The following NAT1 variants were observed in gnomAD, a reference collection of about 807,000 sequenced individuals.
NAT1 encodes the protein N-acetyltransferase 1, also known as arylamine N-acetyltransferase 1.
For synonymous variants in NAT1, 144 were observed against 122.6 expected (o/e 1.17, Z -1.16); for missense variants, 400 against 339.2 (o/e 1.18, Z -1.41).
At chr8:18,176,845 C>G (rs532793196) in intron 2 of NAT1, among the ~76,000 whole-genome samples, 2 of 151,842 alleles carry the variant, frequency 1.3e-5, no homozygotes, top group Admixed American at 6.6e-5. Context: ...TTTTTTCAAT[C>G]CATAAACACA....
rs75620879 is a variant in NAT1 at position 18,173,854 on chromosome 8, T to G, written n.92+3115T>G. ...TAGCCTTGAAACAATGTTATTGACA[T>G]TTTAAAAATCAAACAATATGCACCC... On this transcript the variant is annotated intron_variant and non_coding_transcript_variant, in intron 2 of 4. Transcript: ENST00000517441. Among the ~76,000 whole-genome samples the G allele has an allele frequency of 1.6e-3, 237 of 152,292 alleles. 6 individuals carry two copies. The East Asian group carries it at 0.028, about 18-fold the overall frequency.
chr8:18,171,356 G>A (rs921369522), intron 2 of NAT1, among the ~76,000 whole-genome samples: 22 of 149,442 alleles, frequency 1.5e-4, no homozygotes, highest in African/African-American at 5.1e-4. Flanking sequence ...TGGGAGGCAC[G>A]CAAAAGACTA....
chr8:18,170,942 C>G (rs1037911603), intron 2 of NAT1, among the ~76,000 whole-genome samples: 1 of 151,642 alleles, frequency 6.6e-6, no homozygotes, highest in African/African-American at 2.4e-5. Flanking sequence ...TTGGATTTCA[C>G]TTAAGAGGCC....
At chr8:18,211,685 C>G (rs973139424) in intron 1 of NAT1, among the ~76,000 whole-genome samples, 1 of 152,180 alleles carries the variant, frequency 6.6e-6, no homozygotes, top group Non-Finnish European at 1.5e-5. Flanking sequence ...GCGGCTAGTC[C>G]AGCAACCCCT....
At chr8:18,209,663 T>C (rs1803894356), upstream of NAT1, 1 of 152,204 alleles carries the variant, frequency 6.6e-6, no homozygotes, top group Non-Finnish European at 1.5e-5. Context: ...GGAATGAGGA[T>C]GATGGATGAA....
At chr8:18,171,230 G>A (rs17593996) in intron 2 of NAT1, among the ~76,000 whole-genome samples, 65,495 of 151,946 alleles carry the variant, frequency 0.43, 15,516 homozygotes, top group South Asian at 0.63. Flanking sequence ...AAATTAAAGT[G>A]GCCACAGTGG....
At chr8:18,197,444 G>A (rs1268358984) in intron 2 of NAT1, among the ~76,000 whole-genome samples, 1 of 152,180 alleles carries the variant, frequency 6.6e-6, no homozygotes, top group Non-Finnish European at 1.5e-5. Context: ...CATCGGCAGT[G>A]TCTGGAGACA....
chr8:18,177,675 CAAT>C (rs1265050163), intron 2 of NAT1, among the ~76,000 whole-genome samples: 2 of 152,068 alleles, frequency 1.3e-5, no homozygotes, highest in Non-Finnish European at 2.9e-5. Flanking sequence ...TAAAGCCAAA[CAAT>C]AATGTTTATG....
intron 2 of NAT1, among the ~76,000 whole-genome samples, chr8:18,180,573 T>A (rs1323474581): frequency 2.0e-5 from 3 of 152,172 alleles, no homozygotes; most frequent in African/African-American, 7.2e-5. Flanking sequence ...CCTCATAAAA[T>A]GAGTTTGAGT....
intron 2 of NAT1, among the ~76,000 whole-genome samples, chr8:18,173,146 G>GAACACACA: frequency 6.8e-6 from 1 of 146,536 alleles, no homozygotes; most frequent in South Asian, 2.2e-4. Flanking sequence ...ACACAGAGAT[G>GAACACACA]CACACACACA....
chr8:18,211,744 G>A (rs1804126805), intron 1 of NAT1, among the ~76,000 whole-genome samples: 1 of 152,050 alleles, frequency 6.6e-6, no homozygotes, highest in East Asian at 1.9e-4. Flanking sequence ...CTAGGTTGTA[G>A]TGTCAATTTA....
rs1803121043 is a variant in NAT1 at position 18,193,808 on chromosome 8, T to G, written n.93-15973T>G. Among the ~76,000 whole-genome samples the G allele has an allele frequency of 2.6e-5, 4 of 151,700 alleles. No homozygotes were observed. In the South Asian group the frequency reaches 8.3e-4, roughly 32 times the overall value. On this transcript the variant is annotated intron_variant and non_coding_transcript_variant, in intron 2 of 4. Coordinates refer to the NAT1 transcript ENST00000517441. ...GGTGCCTGCCACCACACCCAGCTAATTTTTGTATTTTTAGTAGAGACAGGG... is the reference window on the plus strand; with the variant it reads ...GGTGCCTGCCACCACACCCAGCTAAGTTTTGTATTTTTAGTAGAGACAGGG...
chr8:18,186,902 A>C (rs1466524626), intron 2 of NAT1, among the ~76,000 whole-genome samples: 2 of 152,220 alleles, frequency 1.3e-5, no homozygotes, highest in Admixed American at 6.5e-5. Context: ...AGAGCAGAAG[A>C]AACTCGAGGA....
chr8:18,205,006 C>G (rs2117305570), intron 2 of NAT1, among the ~76,000 whole-genome samples: 1 of 152,300 alleles, frequency 6.6e-6, no homozygotes. Flanking sequence ...TTGCCTTGAT[C>G]CCTGACTTTG....
chr8:18,210,045 T>C (rs28359482), upstream of NAT1: 380 of 152,254 alleles, frequency 2.5e-3, 1 homozygote, highest in African/African-American at 8.9e-3. Context: ...AATGTGACTC[T>C]GGGGGCGGGG....
At chr8:18,187,025 T>C (rs187246868) in intron 2 of NAT1, among the ~76,000 whole-genome samples, 227 of 152,258 alleles carry the variant, frequency 1.5e-3, no homozygotes, top group African/African-American at 5.3e-3. Flanking sequence ...TTGATTTCAT[T>C]TGTACTTAAA....
At chr8:18,218,656 C>G (rs1337485307) in intron 1 of NAT1, among the ~76,000 whole-genome samples, 7 of 152,160 alleles carry the variant, frequency 4.6e-5, no homozygotes, top group Admixed American at 6.5e-5. Context: ...GAAGTTTTAA[C>G]AGCTCACTAG....
upstream of NAT1, among the ~76,000 whole-genome samples, chr8:18,206,963 T>G (rs572017927): frequency 3.9e-5 from 6 of 152,314 alleles, no homozygotes; most frequent in East Asian, 1.2e-3. Flanking sequence ...ATTTCCTGAA[T>G]AGTGTTGCCT....
intron 1 of NAT1, among the ~76,000 whole-genome samples, chr8:18,215,956 A>G (rs765186740): frequency 2.2e-4 from 33 of 152,138 alleles, no homozygotes; most frequent in Non-Finnish European, 4.0e-4. Flanking sequence ...GATTTTAAGG[A>G]CTGCAAATTT....
Sources: allele counts gnomAD v4.1 joint callset (sites outside exome capture counted in the v4.1 genomes callset), GRCh38; gene constraint gnomAD v4.1.1; transcripts MANE v1.5; gene names NCBI Gene and HGNC (gene_info 2026-07-23, HGNC 2026-07-21).